PIK3C2G: variants seen among roughly 807,000 people sequenced by gnomAD.
The protein encoded by PIK3C2G is phosphatidylinositol-4-phosphate 3-kinase catalytic subunit type 2 gamma, also known as phosphatidylinositol 3-kinase C2 domain-containing subunit gamma.
Under a neutral mutation model 181.1 loss-of-function variants are expected in PIK3C2G, and 168 were observed. That is an observed-to-expected ratio of 0.93 (90% confidence interval 0.82 to 1.05). The LOEUF is 1.05. Among genes scored for constraint, PIK3C2G ranks in the 50% least tolerant of loss-of-function variants. The pLI is 0.00. For synonymous variants in PIK3C2G, 573 were observed against 592.2 expected (o/e 0.97, Z 0.47); for missense variants, 1,869 against 1,732.8 (o/e 1.08, Z -1.40).
intron 24 of PIK3C2G, among the ~76,000 whole-genome samples, chr12:18,517,076 A>G (rs7957373): frequency 0.43 from 63,976 of 149,234 alleles, 14,301 homozygotes; most frequent in East Asian, 0.58. Context: ...AGTTTTCACA[A>G]TCCTTGCATA....
downstream of PIK3C2G, among the ~76,000 whole-genome samples, chr12:18,649,646 A>G (rs79242900): frequency 0.019 from 2,879 of 152,240 alleles, 36 homozygotes; most frequent in Middle Eastern, 0.048. Flanking sequence ...CATTACAAGC[A>G]GGTATTTGCT....
At chr12:18,604,783 C>A (rs1947922272) in intron 30 of PIK3C2G, among the ~76,000 whole-genome samples, 1 of 152,108 alleles carries the variant, frequency 6.6e-6, no homozygotes, top group Non-Finnish European at 1.5e-5. Flanking sequence ...AAATAACCTG[C>A]TCCTGAATGA....
intron 29 of PIK3C2G, among the ~76,000 whole-genome samples, chr12:18,580,307 G>A (rs1019705199): frequency 6.6e-6 from 1 of 152,124 alleles, no homozygotes; most frequent in Non-Finnish European, 1.5e-5. Flanking sequence ...GCTCTTCTCA[G>A]TACTGTTGTT....
At chr12:18,512,562 C>T (rs2136147115) in intron 24 of PIK3C2G, among the ~76,000 whole-genome samples, 1 of 151,750 alleles carries the variant, frequency 6.6e-6, no homozygotes, top group African/African-American at 2.4e-5. Context: ...TTTTGTTGCC[C>T]CCATAAATGG....
At chr12:18,666,201 T>C in the PIK3C2G span, among the ~76,000 whole-genome samples, 1 of 151,964 alleles carries the variant, frequency 6.6e-6, no homozygotes, top group Middle Eastern at 3.4e-3. Flanking sequence ...AGATATTGCC[T>C]ATAGAAAACA....
At chr12:18,705,962 C>T in the PIK3C2G span, among the ~76,000 whole-genome samples, 1 of 151,726 alleles carries the variant, frequency 6.6e-6, no homozygotes, top group East Asian at 1.9e-4. Context: ...CATGGTGGCT[C>T]ACACCTGTAA....
intron 24 of PIK3C2G, among the ~76,000 whole-genome samples, chr12:18,515,277 T>C (rs191611008): frequency 6.6e-6 from 1 of 151,992 alleles, no homozygotes; most frequent in Non-Finnish European, 1.5e-5. Flanking sequence ...CTTTTTTCTA[T>C]TTTTGGAAGA....
At chr12:18,588,950 A>G (rs916124268) in intron 29 of PIK3C2G, among the ~76,000 whole-genome samples, 1 of 152,104 alleles carries the variant, frequency 6.6e-6, no homozygotes, top group African/African-American at 2.4e-5. Context: ...AGGAACATGG[A>G]TGGAGCTGGA....
At chr12:18,551,932 G>A (rs1944754330) in intron 26 of PIK3C2G, among the ~76,000 whole-genome samples, 1 of 152,044 alleles carries the variant, frequency 6.6e-6, no homozygotes, top group Admixed American at 6.6e-5. Context: ...GTCCTTATTG[G>A]ACAAGTTCCT....
intron 5 of PIK3C2G, among the ~76,000 whole-genome samples, chr12:18,301,127 C>A (rs1410849211): frequency 1.3e-5 from 2 of 152,068 alleles, no homozygotes; most frequent in African/African-American, 2.4e-5. Flanking sequence ...TTCCCTTGCT[C>A]TTTTTACAAT....
At chr12:18,713,478 G>A in the PIK3C2G span, among the ~76,000 whole-genome samples, 8 of 152,216 alleles carry the variant, frequency 5.3e-5, no homozygotes, top group Admixed American at 3.9e-4. Context: ...TGGCAGAAAG[G>A]CAAGGATAAA....
rs77656456 is a variant in PIK3C2G, at chr12:18,346,695, A to T, written c.1484A>T (p.Asn495Ile). Residue 495 changes from asparagine to isoleucine, a missense_variant, in exon 11 of 33, where the codon AAT becomes ATT. Coordinates refer to ENST00000538779, the MANE Select transcript of PIK3C2G (RefSeq NM_001288772.2). The part of the protein sequence containing the change: ...ELSTSIYQLI[N>I]VYCNSFYADF... ...TCCACATCCATCTACCAGCTAATCA[A>T]TGTCTACTGTAACAGCTTTTATGCA... 493 of 1,613,296 alleles carry T rather than the reference A, an allele frequency of 3.1e-4. 3 individuals are homozygous for T. The African/African-American group carries it at 6.1e-3, about 20-fold the overall frequency.
At chr12:18,524,304 T>C (rs12315677) in intron 24 of PIK3C2G, among the ~76,000 whole-genome samples, 17,051 of 152,210 alleles carry the variant, frequency 0.11, 1,291 homozygotes, top group East Asian at 0.32. Context: ...GAACCATTTC[T>C]TTTACTGTGT....
chr12:18,257,760 GAAA>G (rs148489516), upstream of PIK3C2G, among the ~76,000 whole-genome samples: 8,480 of 140,126 alleles, frequency 0.061, 824 homozygotes, highest in East Asian at 0.48. Context: ...AAGGAGGGAG[GAAA>G]AAAAGAAGAA....
chr12:18,622,556 A>C (rs75289888), intron 31 of PIK3C2G, among the ~76,000 whole-genome samples: 13,942 of 151,838 alleles, frequency 0.092, 838 homozygotes, highest in Non-Finnish European at 0.14. Flanking sequence ...GGTTTCAAAT[A>C]TTTCATGTAA....
intron 16 of PIK3C2G, among the ~76,000 whole-genome samples, chr12:18,408,944 T>C (rs1327810194): frequency 6.6e-6 from 1 of 152,152 alleles, no homozygotes; most frequent in African/African-American, 2.4e-5. Flanking sequence ...TTTTATACTG[T>C]TGGTGGGAGT....
chr12:18,683,854 C>A, the PIK3C2G span, among the ~76,000 whole-genome samples: 1 of 151,944 alleles, frequency 6.6e-6, no homozygotes, highest in South Asian at 2.1e-4. Context: ...CATGACTACT[C>A]TTTACTGAAA....
chr12:18,700,920 G>A, the PIK3C2G span, among the ~76,000 whole-genome samples: 1 of 151,744 alleles, frequency 6.6e-6, no homozygotes, highest in African/African-American at 2.4e-5. Context: ...GTGTATCTCT[G>A]CATCTTTTGC....
At chr12:18,417,271 A>C (rs1945234789) in intron 16 of PIK3C2G, among the ~76,000 whole-genome samples, 1 of 152,164 alleles carries the variant, frequency 6.6e-6, no homozygotes, top group African/African-American at 2.4e-5. Flanking sequence ...CTTGAGATAG[A>C]ATTTACTCCT....
Sources: allele counts gnomAD v4.1 joint callset (sites outside exome capture counted in the v4.1 genomes callset), GRCh38; gene constraint gnomAD v4.1.1; transcripts MANE v1.5; gene names NCBI Gene and HGNC (gene_info 2026-07-23, HGNC 2026-07-21).